The following DACT2 variants were observed in gnomAD, a reference collection of about 807,000 sequenced individuals.
DACT2 encodes dishevelled binding antagonist of beta catenin 2.
A neutral mutation model predicts 22.2 loss-of-function variants in DACT2; 20 were observed. The observed-to-expected ratio is 0.90, with a 90% CI of 0.63 to 1.31. The LOEUF (loss-of-function observed/expected upper bound fraction) is 1.31. DACT2 is among the 50% of genes most tolerant of loss of function. The pLI is 0.00. For synonymous variants in DACT2, 463 were observed against 479.8 expected (o/e 0.96, Z 0.46); for missense variants, 1,048 against 1,061.4 (o/e 0.99, Z 0.18).
chr6:168,311,070 A>G, intron 2 of DACT2, 82 bp downstream of exon 2: 1 of 1,406,146 alleles, frequency 7.1e-7, no homozygotes, highest in Non-Finnish European at 9.3e-7. Context: ...TTTCAGCCCA[A>G]GAGGGGCTGG....
intron 3 of DACT2, 57 bp from the exon 4 acceptor site, chr6:168,309,155 T>C (rs1445977155): frequency 6.9e-7 from 1 of 1,448,582 alleles, no homozygotes; most frequent in Non-Finnish European, 9.1e-7. Context: ...AGTGCACTGT[T>C]GATTTCATTT....
chr6:168,307,866 GC>G lies in DACT2; in HGVS notation c.1890del (p.Arg633GlyfsTer124). The G allele has an allele frequency of 1.3e-6, 2 of 1,539,178 alleles. No individual in the cohort carries two copies. On this transcript the variant is annotated frameshift_variant, in exon 4 of 4. Coordinates refer to ENST00000366795, the MANE Select transcript of DACT2 (RefSeq NM_214462.5). LOFTEE classifies it low-confidence loss of function (END_TRUNC). The surrounding 1 kb of genome is among the most constrained non-coding windows in gnomAD (Gnocchi z 5.3). ...RLASCPESNL[G>X]PPRPVARRAG... ...GCTCTCCTGGCCACGGGCCTGGGGG[GC>G]CCCAGGTTAGACTCAGGACAGCTGG... is the stretch of plus-strand genomic sequence containing the variant.
At chr6:168,311,553 C>CACACACTCACACACAA (rs1208381182) in intron 1 of DACT2, among the ~76,000 whole-genome samples, 14 of 129,054 alleles carry the variant, frequency 1.1e-4, no homozygotes, top group Non-Finnish European at 1.6e-4. Flanking sequence ...CACACACATA[C>CACACACTCACACACAA]ACACACTCAC....
chr6:168,309,407 AGGGCCGTTTGCGTGTAGACACAGGGTGCG>A (rs767359614), intron 3 of DACT2, among the ~76,000 whole-genome samples: 126 of 66,668 alleles, frequency 1.9e-3, no homozygotes, highest in Middle Eastern at 9.3e-3. Flanking sequence ...GACACCGCAC[AGGGCCGTTTGCGTGTAGACACAGGGTGCG>A]GGGCCGTTTG....
At chr6:168,295,735 G>A (rs1778996900) in intron 3 of DACT2, among the ~76,000 whole-genome samples, 1 of 152,190 alleles carries the variant, frequency 6.6e-6, no homozygotes, top group African/African-American at 2.4e-5. Context: ...AGATGATCCT[G>A]TGATCCACAC....
chr6:168,311,565 CACAA>C (rs544595798), intron 1 of DACT2, among the ~76,000 whole-genome samples: 14 of 111,520 alleles, frequency 1.3e-4, no homozygotes, highest in South Asian at 2.8e-4. Flanking sequence ...CACACTCACA[CACAA>C]ACACACACAC....
chr6:168,307,685 G>C lies in DACT2; in HGVS notation c.2072C>G (p.Thr691Ser). 1 of 1,550,398 alleles carries C rather than the reference G, an allele frequency of 6.4e-7. No individual in the cohort carries two copies. The highest frequency in any genetic ancestry group is 8.7e-7 in the Non-Finnish European group (1 of 1,146,632). Residue 691 changes from threonine (T) to serine (S), a missense_variant, in exon 4 of 4, where the codon ACC becomes AGC. Coordinates refer to ENST00000366795, the MANE Select transcript of DACT2 (RefSeq NM_214462.5). This position sits in a 1 kb window ranked among gnomAD's most constrained non-coding sequence, Gnocchi z 5.3. ...GGACTCACGGTCTCCGAATCGGTTGGTGGTGTGGTCACTGGACTCTCCCTC... is the reference window on the plus strand; with the variant it reads ...GGACTCACGGTCTCCGAATCGGTTGCTGGTGTGGTCACTGGACTCTCCCTC... ...TSEGESSDHT[T>S]NRFGDRESSS... is the part of the protein sequence containing the mutation.
chr6:168,299,941 G>A (rs980238365), intron 3 of DACT2: 1 of 152,310 alleles, frequency 6.6e-6, no homozygotes, highest in African/African-American at 2.4e-5. Context: ...CTCCATGAAG[G>A]AGGGGCCATG....
Position 168,308,461 on chromosome 6 carries a change from G to A in DACT2, c.1296C>T (p.Val432=). ...EEGSKPSNSC[V]LRETMVQASP... ...AAGCCTGCACCATGGTCTCCCTGAG[G>A]ACACAGCTGTTTGAGGGCTTGGAGC... The change falls in exon 4 of 4, where the codon GTC becomes GTT. Residue 432 remains valine (V), a synonymous_variant. Transcript: ENST00000366795. 1 of 1,551,666 alleles carries A rather than the reference G, an allele frequency of 6.4e-7. No homozygotes were observed. Among genetic ancestry groups the A allele is most frequent in the Non-Finnish European group, 8.7e-7 (1 of 1,146,970 alleles).
At position 168,319,459 on chromosome 6, in the gene DACT2, A is replaced by T; in HGVS notation, c.175T>A (p.Cys59Ser). Residue 59 changes from cysteine to serine, a missense_variant, in exon 1 of 4, where the codon TGC becomes AGC. Transcript: ENST00000366795. ...LQPPPAPAAP[C>S]GPHGLHGPEQ... ...GGGCCGTGGAGGCCGTGGGGGCCGC[A>T]GGGCGCGGCGGGCGCGGGCGGGGGC... 4.2e-6 allele frequency: 5 copies of T among 1,203,590 alleles called. No homozygotes were observed. Among genetic ancestry groups the T allele is most frequent in the Non-Finnish European group, 5.1e-6 (5 of 970,876 alleles). The allele number at this position is 1,203,590 out of a possible 1,614,324, so 74.6% of individuals were successfully genotyped here.
intron 3 of DACT2, among the ~76,000 whole-genome samples, chr6:168,301,276 C>G (rs1418316411): frequency 6.6e-6 from 1 of 152,176 alleles, no homozygotes; most frequent in Non-Finnish European, 1.5e-5. Flanking sequence ...CTTCAGCCTC[C>G]CAGAGAACGG....
At chr6:168,304,701 C>T (rs535183850), downstream of DACT2, among the ~76,000 whole-genome samples, 6 of 152,328 alleles carry the variant, frequency 3.9e-5, no homozygotes, top group African/African-American at 1.2e-4. Flanking sequence ...TGCCAGCTTA[C>T]GCCTCCTTCC....
At chr6:168,303,849 T>C (rs900201510), downstream of DACT2, among the ~76,000 whole-genome samples, 1 of 152,236 alleles carries the variant, frequency 6.6e-6, no homozygotes, top group African/African-American at 2.4e-5. Flanking sequence ...CCTAATATTA[T>C]AATTAAATCT....
intron 3 of DACT2, chr6:168,299,799 G>A (rs1197586066): frequency 2.6e-5 from 4 of 152,272 alleles, no homozygotes; most frequent in Admixed American, 6.5e-5. Context: ...ATCGTCGGAC[G>A]GTTCTACAAT....
chr6:168,318,043 G>A lies in DACT2; in HGVS notation c.246+1345C>T, dbSNP rs567740352. 5.6e-4 allele frequency among the ~76,000 whole-genome samples: 66 copies of A among 117,444 alleles called. 4 individuals carry two copies. The highest frequency in any genetic ancestry group is 4.2e-3 in the Middle Eastern group (1 of 240). 77.0% of individuals were successfully genotyped at this position (117,444 alleles called of 152,430 possible). On this transcript the variant is annotated intron_variant, in intron 1 of 3. Transcript: ENST00000366795. ...TGAGCTGAGGTCACGCAGAAGCTGC[G>A]ATTGTGTCTGGTGCAAACACACAAC...
chr6:168,302,709 C>T (rs1055494061), downstream of DACT2, among the ~76,000 whole-genome samples: 1 of 152,222 alleles, frequency 6.6e-6, no homozygotes, highest in Admixed American at 6.5e-5. Flanking sequence ...TTCCTGTCTG[C>T]ACCGCCCAAC....
At chr6:168,310,673 C>CTA (rs1779374438) in intron 2 of DACT2, among the ~76,000 whole-genome samples, 2 of 152,182 alleles carry the variant, frequency 1.3e-5, no homozygotes, top group East Asian at 3.9e-4. Context: ...AGAGCCCACT[C>CTA]CACCTGCACT....
rs1554271725 is a variant in DACT2 at position 168,311,597 on chromosome 6, T to TCACACACAAACACACACACCCATAC, written c.247-314_247-313insGTATGGGTGTGTGTGTTTGTGTGTG. Among the ~76,000 whole-genome samples, 490 of 100,538 alleles carry TCACACACAAACACACACACCCATAC rather than the reference T, an allele frequency of 4.9e-3. 11 individuals are homozygous for TCACACACAAACACACACACCCATAC. The highest frequency in any genetic ancestry group is 0.016 in the African/African-American group (367 of 22,820). 66.0% of individuals were successfully genotyped at this position (100,538 alleles called of 152,430 possible). On this transcript the variant is annotated intron_variant, in intron 1 of 3. Transcript: ENST00000366795. ...ACACACACCCATCCACACACACACA[T>TCACACACAAACACACACACCCATAC]ACACACACACTCACACAAACACACA...
chr6:168,312,519 C>T (rs1332914775), intron 1 of DACT2, among the ~76,000 whole-genome samples: 2 of 152,352 alleles, frequency 1.3e-5, no homozygotes, highest in East Asian at 3.9e-4. Context: ...GTTTCCATCA[C>T]AGCCCTGCCC....
Sources: allele counts gnomAD v4.1 joint callset (sites outside exome capture counted in the v4.1 genomes callset), GRCh38; gene constraint gnomAD v4.1.1; non-coding constraint Gnocchi (gnomAD v3.1); transcripts MANE v1.5; gene names NCBI Gene and HGNC (gene_info 2026-07-23, HGNC 2026-07-21).